RMDN2: variants seen among roughly 807,000 people sequenced by gnomAD.
The protein encoded by RMDN2 is regulator of microtubule dynamics 2, also known as regulator of microtubule dynamics protein 2.
In RMDN2, 61 loss-of-function variants were observed where a neutral mutation model predicts 52.8. That is an observed-to-expected ratio of 1.16 (90% CI 0.94 to 1.43). The LOEUF (loss-of-function observed/expected upper bound fraction) is 1.43. Among genes scored for constraint, RMDN2 ranks in the 40% most tolerant of loss-of-function variants. RMDN2 has a pLI of 0.00. For missense variants in RMDN2, 592 were observed against 475.3 expected (o/e 1.25, Z -2.28); for synonymous variants, 180 against 153.1 (o/e 1.18, Z -1.30).
At chr2:38,056,899 C>G (rs1681873263) in intron 10 of RMDN2, among the ~76,000 whole-genome samples, 1 of 152,164 alleles carries the variant, frequency 6.6e-6, no homozygotes. Flanking sequence ...ATTCTCTAGT[C>G]TATGCTAAAA....
chr2:38,058,281 A>C (rs1256911054), intron 10 of RMDN2, among the ~76,000 whole-genome samples: 2 of 152,212 alleles, frequency 1.3e-5, no homozygotes, highest in Admixed American at 1.3e-4. Context: ...GAAAAATCTC[A>C]GGTATCTGAA....
chr2:38,013,273 G>A (rs539194521), intron 10 of RMDN2, among the ~76,000 whole-genome samples: 47 of 152,328 alleles, frequency 3.1e-4, no homozygotes, highest in African/African-American at 1.0e-3. Flanking sequence ...TACTGAGAAA[G>A]CTCAAATATA....
intron 5 of RMDN2, among the ~76,000 whole-genome samples, chr2:37,985,377 T>TAG (rs60264953): frequency 1.3e-5 from 2 of 151,608 alleles, no homozygotes; most frequent in Non-Finnish European, 1.5e-5. Context: ...AATGATCTGT[T>TAG]TTTTATTTAT....
intron 2 of RMDN2, chr2:37,953,189 G>T (rs1669054162): frequency 6.6e-6 from 1 of 151,814 alleles, no homozygotes; most frequent in Admixed American, 6.6e-5. Context: ...TTTAAAAATT[G>T]TGATAAATAT....
At chr2:37,962,091 A>T (rs1034720349) in intron 2 of RMDN2, among the ~76,000 whole-genome samples, 1 of 152,200 alleles carries the variant, frequency 6.6e-6, no homozygotes, top group Admixed American at 6.5e-5. Flanking sequence ...CACCCACCAG[A>T]TGCTGACTGG....
At chr2:38,046,232 C>T (rs1681264843) in intron 10 of RMDN2, among the ~76,000 whole-genome samples, 1 of 152,132 alleles carries the variant, frequency 6.6e-6, no homozygotes, top group African/African-American at 2.4e-5. Context: ...GAGTACATAT[C>T]CCAACTCACT....
chr2:38,004,143 C>T lies in RMDN2; in HGVS notation c.1106C>T (p.Thr369Ile), dbSNP rs749885909. 6.2e-7 allele frequency: 1 copy of T among 1,613,448 alleles called. No individual in the cohort carries two copies. Among genetic ancestry groups the T allele is most frequent in the Admixed American group, 1.7e-5 (1 of 60,014 alleles). The change falls in exon 10 of 11, where the codon ACT becomes ATT. Residue 369 changes from threonine to isoleucine, a missense_variant. By Grantham distance (89) the Thr-to-Ile change is moderately conservative. Transcript: ENST00000354545. ...GTTATTTCTCATTTCCAGTGTTATACTGATCTTGAGGAAAACCAGAATGCT... is the reference window on the plus strand; with the variant it reads ...GTTATTTCTCATTTCCAGTGTTATATTGATCTTGAGGAAAACCAGAATGCT... The part of the protein sequence containing the change: ...PNYMYLAKCY[T>I]DLEENQNALK...
At chr2:37,995,364 T>TACA (rs1675394656) in intron 7 of RMDN2, among the ~76,000 whole-genome samples, 2 of 146,456 alleles carry the variant, frequency 1.4e-5, no homozygotes. Context: ...CTACTACTAC[T>TACA]ACACACACAC....
At chr2:38,012,313 C>T (rs537378681) in intron 10 of RMDN2, among the ~76,000 whole-genome samples, 1 of 152,346 alleles carries the variant, frequency 6.6e-6, no homozygotes, top group East Asian at 1.9e-4. Flanking sequence ...TCATTTCACA[C>T]AGTTATTATG....
chr2:37,970,897 ATTAT>A (rs1671724289), intron 2 of RMDN2, among the ~76,000 whole-genome samples: 1 of 152,026 alleles, frequency 6.6e-6, no homozygotes, highest in East Asian at 1.9e-4. Flanking sequence ...TTTAAATTGA[ATTAT>A]TTGTCTTTTT....
chr2:38,037,950 CAT>C (rs1680695647), intron 10 of RMDN2, among the ~76,000 whole-genome samples: 1 of 152,178 alleles, frequency 6.6e-6, no homozygotes, highest in Admixed American at 6.5e-5. Flanking sequence ...AGAAGATAAA[CAT>C]GTGATTCTCT....
chr2:37,968,554 C>G (rs1378484724), intron 2 of RMDN2, among the ~76,000 whole-genome samples: 2 of 151,594 alleles, frequency 1.3e-5, no homozygotes, highest in South Asian at 2.1e-4. Flanking sequence ...TAAATACACT[C>G]TTTTATTTTC....
chr2:38,016,642 C>T (rs904037992), intron 10 of RMDN2, among the ~76,000 whole-genome samples: 2 of 152,148 alleles, frequency 1.3e-5, no homozygotes, highest in Non-Finnish European at 2.9e-5. Flanking sequence ...TCAACCTCAG[C>T]CCTAACCTTT....
chr2:38,046,722 C>T (rs1003937000), intron 10 of RMDN2, among the ~76,000 whole-genome samples: 37 of 152,234 alleles, frequency 2.4e-4, no homozygotes, highest in African/African-American at 8.4e-4. Flanking sequence ...CGGTGGCTCA[C>T]GCCTATAATC....
At position 37,963,360 on chromosome 2, in the gene RMDN2, C is replaced by G. The variant is rs188590067; in HGVS notation, c.453-10680C>G. Among the ~76,000 whole-genome samples, 556 of 130,974 alleles carry G rather than the reference C, an allele frequency of 4.2e-3. 10 individuals are homozygous for G. The South Asian group carries it at 0.048, about 11-fold the overall frequency. The allele number at this position is 130,974 out of a possible 152,430, so 85.9% of individuals were successfully genotyped here. A position where few individuals can be genotyped will look rare whatever the true frequency, so the allele number is the denominator to read the frequency against. ...TAATTGATCATTCTTGGGTGTTTCT[C>G]GGAGAGGGGGATTTGGCAGGGTCAT... On this transcript the variant is annotated intron_variant, in intron 2 of 10. Coordinates refer to ENST00000354545, the MANE Select transcript of RMDN2 (RefSeq NM_001170791.3).
At chr2:37,951,303 C>A in intron 2 of RMDN2, 1 of 1,612,476 alleles carries the variant, frequency 6.2e-7, no homozygotes, top group Non-Finnish European at 8.5e-7. Context: ...CGCCCAGCAT[C>A]GTGGAGCCTC....
At chr2:37,933,515 A>T (rs1383915483) in intron 2 of RMDN2, among the ~76,000 whole-genome samples, 1 of 152,260 alleles carries the variant, frequency 6.6e-6, no homozygotes. Context: ...TCCGTCTGCA[A>T]TCCCGGCACC....
At chr2:37,996,801 CA>C (rs1675615152) in intron 7 of RMDN2, among the ~76,000 whole-genome samples, 1 of 151,694 alleles carries the variant, frequency 6.6e-6, no homozygotes, top group Non-Finnish European at 1.5e-5. Flanking sequence ...TAGAAGAAAG[CA>C]AAAAAATCAG....
At chr2:38,056,090 T>A (rs1681846388) in intron 10 of RMDN2, among the ~76,000 whole-genome samples, 1 of 152,110 alleles carries the variant, frequency 6.6e-6, no homozygotes, top group Non-Finnish European at 1.5e-5. Context: ...GCACATCACA[T>A]TCATTCAAAC....
Sources: gnomAD v4.1 joint callset for allele counts (sites outside exome capture counted in the v4.1 genomes callset) on GRCh38, gnomAD v4.1.1 for gene constraint, MANE v1.5 for transcripts, NCBI Gene and HGNC (gene_info 2026-07-23, HGNC 2026-07-21) for gene names.